SIPA1L3: variants seen among roughly 807,000 people sequenced by gnomAD.
SIPA1L3 encodes signal induced proliferation associated 1 like 3.
A neutral mutation model predicts 150.1 loss-of-function variants in SIPA1L3; 59 were observed. The ratio of observed to expected loss-of-function variants is 0.39; its 90% confidence interval spans 0.32 to 0.49. SIPA1L3 has a LOEUF of 0.49. Among genes scored for constraint, SIPA1L3 ranks in the 20% least tolerant of loss-of-function variants. The probability of loss-of-function intolerance (pLI) is 0.86; values close to 1 mark genes in which losing one functional copy is unlikely to be tolerated. For synonymous variants in SIPA1L3, 1,070 were observed against 1,077.6 expected (o/e 0.99, Z 0.14); for missense variants, 2,211 against 2,489.5 (o/e 0.89, Z 2.38).
intron 1 of SIPA1L3, 152 bp downstream of exon 1, chr19:37,907,510 G>C (rs1423561341): frequency 6.6e-6 from 1 of 152,304 alleles, no homozygotes; most frequent in Non-Finnish European, 1.5e-5. Flanking sequence ...TCCGGACCCA[G>C]CCGGACTCGT....
intron 1 of SIPA1L3, among the ~76,000 whole-genome samples, chr19:37,941,093 C>T (rs867231520): frequency 1.5e-5 from 2 of 129,216 alleles, no homozygotes; most frequent in African/African-American, 2.7e-5. Flanking sequence ...CACATACACA[C>T]ACACACACAC....
chr19:38,005,104 G>A (rs1344611904), intron 1 of SIPA1L3, among the ~76,000 whole-genome samples: 1 of 134,096 alleles, frequency 7.5e-6, no homozygotes, highest in African/African-American at 2.7e-5. Flanking sequence ...ACCCACCCCC[G>A]GCCAATCAGC....
At chr19:38,129,339 C>CA (rs1971255071) in intron 9 of SIPA1L3, among the ~76,000 whole-genome samples, 1 of 152,052 alleles carries the variant, frequency 6.6e-6, no homozygotes, top group South Asian at 2.1e-4. Flanking sequence ...AGAATGGTGT[C>CA]ACGAGGCCGG....
In SIPA1L3 at chr19:38,047,262, A is replaced by ACTC. The variant is rs1196264815; in HGVS notation, c.-311+18109_-311+18111dup. On this transcript the variant is annotated intron_variant, in intron 2 of 21. Transcript: ENST00000222345. The surrounding 1 kb of genome is among the most constrained non-coding windows in gnomAD (Gnocchi z 4.7). ...CGCACACACGCACGCACTCACACAC[A>ACTC]CTCCTACACATTCCTCTCTCTGTCA... Among the ~76,000 whole-genome samples the ACTC allele has an allele frequency of 1.3e-5, 2 of 151,266 alleles. No homozygotes were observed. Among genetic ancestry groups the ACTC allele is most frequent in the Non-Finnish European group, 2.9e-5 (2 of 67,828 alleles).
At chr19:37,912,563 A>G (rs1244602214) in intron 1 of SIPA1L3, among the ~76,000 whole-genome samples, 1 of 152,122 alleles carries the variant, frequency 6.6e-6, no homozygotes, top group Non-Finnish European at 1.5e-5. Context: ...TGGCGTCATC[A>G]TAGCTCACTG....
At chr19:38,172,737 A>C (rs1436503020) in intron 15 of SIPA1L3, among the ~76,000 whole-genome samples, 2 of 152,166 alleles carry the variant, frequency 1.3e-5, no homozygotes, top group Non-Finnish European at 1.5e-5. Context: ...GACCAAAGTC[A>C]GATGCTGGGA....
chr19:38,049,409 G>A (rs773521744), intron 2 of SIPA1L3, among the ~76,000 whole-genome samples: 3 of 152,128 alleles, frequency 2.0e-5, no homozygotes, highest in African/African-American at 4.8e-5. Context: ...ATCTAGCCAC[G>A]TTGCTGGATG....
At chr19:38,063,779 TGGGGACACTCA>T (rs1262050772) in intron 2 of SIPA1L3, among the ~76,000 whole-genome samples, 2 of 152,008 alleles carry the variant, frequency 1.3e-5, no homozygotes, top group Non-Finnish European at 2.9e-5. Flanking sequence ...ATGATGATAG[TGGGGACACTCA>T]GCCCGTTTAG....
chr19:38,204,006 C>T (rs1467707744), intron 20 of SIPA1L3, 121 bp from the exon 21 acceptor site: 2 of 741,472 alleles, frequency 2.7e-6, no homozygotes, highest in Non-Finnish European at 4.4e-6. Context: ...AGCTTCTCCT[C>T]AGGCTTTGCT....
At chr19:38,098,119 A>C (rs1600065058) in intron 4 of SIPA1L3, among the ~76,000 whole-genome samples, 1 of 152,210 alleles carries the variant, frequency 6.6e-6, no homozygotes, top group African/African-American at 2.4e-5. Context: ...AGTGAACTGC[A>C]CCTTCATAAA....
At chr19:38,147,072 T>C (rs1033097091) in intron 12 of SIPA1L3, among the ~76,000 whole-genome samples, 10 of 152,048 alleles carry the variant, frequency 6.6e-5, no homozygotes, top group African/African-American at 2.4e-4. Flanking sequence ...TATTTATTTA[T>C]TTATTTTGAG....
At chr19:38,089,114 G>T (rs568177387) in intron 4 of SIPA1L3, among the ~76,000 whole-genome samples, 3 of 152,188 alleles carry the variant, frequency 2.0e-5, no homozygotes, top group African/African-American at 7.2e-5. Flanking sequence ...GAGATCAAGA[G>T]TTCAAGACCA....
rs888900035 is a variant in SIPA1L3, at chr19:38,046,644, C to T, written c.-311+17488C>T. On this transcript the variant is annotated intron_variant, in intron 2 of 21. Transcript: ENST00000222345. The surrounding 1 kb of genome is among the most constrained non-coding windows in gnomAD (Gnocchi z 5.6). ...CCCCCAGCAAGAGCCCACATGAATC[C>T]GCCATCTCGCCCGCAGCCTGGGGAT... 5.9e-5 allele frequency among the ~76,000 whole-genome samples: 9 copies of T among 152,172 alleles called. No individual in the cohort carries two copies. The highest frequency in any genetic ancestry group is 2.2e-4 in the African/African-American group (9 of 41,420).
intron 2 of SIPA1L3, among the ~76,000 whole-genome samples, chr19:38,080,523 C>T (rs1031011006): frequency 6.6e-5 from 10 of 151,970 alleles, no homozygotes; most frequent in East Asian, 1.9e-4. Flanking sequence ...AAGACACCTG[C>T]GAGACAATGA....
intron 4 of SIPA1L3, among the ~76,000 whole-genome samples, chr19:38,096,923 C>A (rs1970393272): frequency 6.6e-6 from 1 of 152,210 alleles, no homozygotes; most frequent in Non-Finnish European, 1.5e-5. Context: ...GCACTATTCA[C>A]AGTTGGCAAA....
intron 16 of SIPA1L3, among the ~76,000 whole-genome samples, chr19:38,191,715 G>A (rs1422694226): frequency 7.8e-6 from 1 of 128,922 alleles, no homozygotes; most frequent in East Asian, 2.2e-4. Context: ...CAGAGGCTGA[G>A]GCAGGAGAGT....
chr19:38,177,584 GTATATC>G (rs1224672616), intron 15 of SIPA1L3, among the ~76,000 whole-genome samples: 1 of 152,116 alleles, frequency 6.6e-6, no homozygotes, highest in African/African-American at 2.4e-5. Flanking sequence ...ACATATGTGT[GTATATC>G]TATCTATATA....
chr19:38,089,849 A>C (rs1970222393), intron 4 of SIPA1L3, among the ~76,000 whole-genome samples: 1 of 152,204 alleles, frequency 6.6e-6, no homozygotes, highest in Non-Finnish European at 1.5e-5. Flanking sequence ...GGTAGGGCAA[A>C]CTTCCGGCAT....
At chr19:38,124,960 C>T (rs1457412255) in intron 9 of SIPA1L3, among the ~76,000 whole-genome samples, 1 of 76,090 alleles carries the variant, frequency 1.3e-5, no homozygotes, top group Non-Finnish European at 2.4e-5. Flanking sequence ...CAGTACAGTC[C>T]AGCTTCGGCT....
Sources: gnomAD v4.1 joint callset for allele counts (sites outside exome capture counted in the v4.1 genomes callset) on GRCh38, gnomAD v4.1.1 for gene constraint, Gnocchi (gnomAD v3.1) non-coding constraint, MANE v1.5 for transcripts, NCBI Gene and HGNC (gene_info 2026-07-23, HGNC 2026-07-21) for gene names.